Variants in DDR2 observed in about 807,000 individuals in gnomAD.
DDR2 encodes discoidin domain receptor tyrosine kinase 2.
A neutral mutation model predicts 94.9 loss-of-function variants in DDR2; 27 were observed. That is an observed-to-expected ratio of 0.28 (90% CI 0.21 to 0.39). The LOEUF is 0.39. DDR2 is among the 10% of genes least tolerant of loss of function. The pLI is 1.00. For synonymous variants in DDR2, 382 were observed against 377.2 expected, an observed-to-expected ratio of 1.01 and a Z score of -0.15; for missense variants, 783 against 1,076.0, an observed-to-expected ratio of 0.73 and a Z score of 3.81.
At chr1:162,689,946 G>T (rs1245765840) in intron 2 of DDR2, among the ~76,000 whole-genome samples, 2 of 150,084 alleles carry the variant, frequency 1.3e-5, no homozygotes, top group Non-Finnish European at 1.5e-5. Context: ...AACCTGGGAG[G>T]CAGAGATTGC....
Position 162,737,995 on chromosome 1 carries a change from A to G in DDR2, c.83-15100A>G, listed in dbSNP as rs994445713. Among the ~76,000 whole-genome samples, 5 of 152,052 alleles carry G rather than the reference A, an allele frequency of 3.3e-5. No homozygotes were observed. The East Asian group carries it at 5.8e-4, about 18-fold the overall frequency. ...TCCGTTCATGACAAACCCACAGCCA[A>G]TATCATACTGAATGGGCAAAAACTG... On this transcript the variant is annotated intron_variant, in intron 3 of 17. Coordinates refer to ENST00000367921, the MANE Select transcript of DDR2 (RefSeq NM_006182.4).
chr1:162,743,416 G>T (rs1303454667), intron 3 of DDR2, among the ~76,000 whole-genome samples: 1 of 152,118 alleles, frequency 6.6e-6, no homozygotes, highest in Non-Finnish European at 1.5e-5. Flanking sequence ...TGGGAATGGG[G>T]CTTGGTACCT....
chr1:162,716,511 C>T (rs756258935), intron 2 of DDR2, among the ~76,000 whole-genome samples: 3 of 152,158 alleles, frequency 2.0e-5, no homozygotes, highest in Non-Finnish European at 4.4e-5. Context: ...ATAGTGTTCC[C>T]GTTGCTGGAA....
chr1:162,640,141 A>C (rs1182296521), intron 1 of DDR2, among the ~76,000 whole-genome samples: 2 of 151,592 alleles, frequency 1.3e-5, no homozygotes, highest in Non-Finnish European at 1.5e-5. Flanking sequence ...TCCTGGGTTC[A>C]AGCGATTTTC....
chr1:162,701,439 A>T (rs566177291), intron 2 of DDR2, among the ~76,000 whole-genome samples: 1 of 152,402 alleles, frequency 6.6e-6, no homozygotes, highest in East Asian at 1.9e-4. Context: ...GCTCTTGGCC[A>T]TAAACTATTG....
At position 162,766,082 on chromosome 1, in the gene DDR2, T is replaced by A. The variant is rs771225661; in HGVS notation, c.1162+19T>A. 1 of 1,612,528 alleles carries A rather than the reference T, an allele frequency of 6.2e-7. No homozygotes were observed. Among genetic ancestry groups the A allele is most frequent in the Non-Finnish European group, 8.5e-7 (1 of 1,178,644 alleles). ...ACCTATGGTATATGTGATTCCTAAT[T>A]ACACAAATTAATTTGAAGGGACTTA... is the stretch of plus-strand genomic sequence containing the variant. On this transcript the variant is annotated intron_variant, in intron 10 of 17. Coordinates refer to ENST00000367921, the MANE Select transcript of DDR2 (RefSeq NM_006182.4).
rs562782195 is a variant in DDR2, at chr1:162,634,845, G to T, written c.-192+2214G>T. On this transcript the variant is annotated intron_variant, in intron 1 of 17. Transcript: ENST00000367921. ...ACAAGACTGACATTTGAGGAGCTTC[G>T]TATCTAGCTGAGGGCAGATCCTTGA... Among the ~76,000 whole-genome samples the T allele has an allele frequency of 2.6e-5, 4 of 152,258 alleles. No individual in the cohort carries two copies. In the South Asian group the frequency reaches 8.3e-4, roughly 32 times the overall value.
At chr1:162,677,643 G>A (rs772058416) in intron 2 of DDR2, among the ~76,000 whole-genome samples, 7 of 152,214 alleles carry the variant, frequency 4.6e-5, no homozygotes, top group Middle Eastern at 3.4e-3. Flanking sequence ...TGAGTGACTC[G>A]TCTCCATCTT....
intron 3 of DDR2, among the ~76,000 whole-genome samples, chr1:162,731,981 T>C (rs1662076089): frequency 6.6e-6 from 1 of 152,198 alleles, no homozygotes; most frequent in Non-Finnish European, 1.5e-5. Flanking sequence ...GGAAAGGAGA[T>C]ACTATTTACT....
chr1:162,745,320 T>A (rs892812947), intron 3 of DDR2, among the ~76,000 whole-genome samples: 6 of 152,186 alleles, frequency 3.9e-5, no homozygotes, highest in Non-Finnish European at 8.8e-5. Context: ...TGTGCGGAAG[T>A]TTTTGTTGTT....
chr1:162,755,618 A>G, intron 6 of DDR2, 46 bp from the exon 7 acceptor site: 1 of 1,543,618 alleles, frequency 6.5e-7, no homozygotes, highest in African/African-American at 1.4e-5. Flanking sequence ...CCCTGAGGTA[A>G]TGGGCCTGAG....
intron 3 of DDR2, among the ~76,000 whole-genome samples, chr1:162,722,194 G>A (rs1447867911): frequency 1.3e-5 from 2 of 152,208 alleles, no homozygotes; most frequent in African/African-American, 2.4e-5. Flanking sequence ...AAGCACGAAG[G>A]CAGCAGAGTT....
intron 3 of DDR2, among the ~76,000 whole-genome samples, chr1:162,735,590 CA>C (rs1460247173): frequency 6.6e-6 from 1 of 152,138 alleles, no homozygotes. Flanking sequence ...AACTGAAATG[CA>C]ATCACAATAC....
chr1:162,711,698 G>T (rs951739357), intron 2 of DDR2, among the ~76,000 whole-genome samples: 8 of 152,102 alleles, frequency 5.3e-5, no homozygotes, highest in African/African-American at 1.9e-4. Context: ...TTTTTCCAAA[G>T]AAATGTAGTT....
chr1:162,709,637 T>C (rs1243822912), intron 2 of DDR2, among the ~76,000 whole-genome samples: 1 of 152,116 alleles, frequency 6.6e-6, no homozygotes, highest in Non-Finnish European at 1.5e-5. Context: ...TTGTGCCCAG[T>C]AATGTGGAAA....
At chr1:162,740,437 T>C (rs1035655762) in intron 3 of DDR2, among the ~76,000 whole-genome samples, 3 of 152,180 alleles carry the variant, frequency 2.0e-5, no homozygotes, top group African/African-American at 4.8e-5. Context: ...ACAACAAGCA[T>C]GCTTTTTCCT....
At chr1:162,775,499 T>A (rs965882357) in intron 14 of DDR2, among the ~76,000 whole-genome samples, 153 bp from the exon 15 acceptor site, 13 of 152,180 alleles carry the variant, frequency 8.5e-5, no homozygotes, top group Admixed American at 7.9e-4. Flanking sequence ...ATGAGACAGA[T>A]CCAGGTGTCA....
At chr1:162,751,766 G>T (rs1384016337) in intron 3 of DDR2, among the ~76,000 whole-genome samples, 1 of 152,218 alleles carries the variant, frequency 6.6e-6, no homozygotes, top group East Asian at 1.9e-4. Context: ...ATCAATGATA[G>T]ACTGGATTAA....
intron 3 of DDR2, among the ~76,000 whole-genome samples, chr1:162,742,856 A>G (rs79950574): frequency 1.3e-5 from 2 of 152,148 alleles, no homozygotes; most frequent in African/African-American, 4.8e-5. Flanking sequence ...GAGAAAATGA[A>G]GAAGAAGCAA....
Sources: allele counts gnomAD v4.1 joint callset (sites outside exome capture counted in the v4.1 genomes callset), GRCh38; gene constraint gnomAD v4.1.1; transcripts MANE v1.5; gene names NCBI Gene and HGNC (gene_info 2026-07-23, HGNC 2026-07-21).